The following GMDS variants were observed in gnomAD, a reference collection of about 807,000 sequenced individuals.
The protein encoded by GMDS is GDP-mannose 4,6-dehydratase, also known as GDP-mannose 4,6 dehydratase.
GMDS carries 20 observed loss-of-function variants against 49.9 expected under a neutral mutation model. The observed-to-expected ratio is 0.40, with a 90% CI of 0.28 to 0.58. The LOEUF (loss-of-function observed/expected upper bound fraction) is 0.58. Among genes scored for constraint, GMDS ranks in the 20% least tolerant of loss-of-function variants. GMDS has a pLI of 0.42. For synonymous variants in GMDS, 177 were observed against 178.6 expected (o/e 0.99, Z 0.07); for missense variants, 362 against 481.4 (o/e 0.75, Z 2.32).
intron 8 of GMDS, among the ~76,000 whole-genome samples, chr6:1,737,681 C>T (rs1767062378): frequency 6.7e-6 from 1 of 148,272 alleles, no homozygotes; most frequent in Non-Finnish European, 1.5e-5. Context: ...GATATACATA[C>T]ACACATACAT....
intron 4 of GMDS, among the ~76,000 whole-genome samples, chr6:2,034,224 C>T (rs1197329268): frequency 3.3e-5 from 5 of 152,164 alleles, no homozygotes; most frequent in Non-Finnish European, 7.3e-5. Context: ...TTCCAGGCCA[C>T]ATATCATCTC....
chr6:2,103,846 A>G (rs1255092848), intron 4 of GMDS, among the ~76,000 whole-genome samples: 2 of 152,250 alleles, frequency 1.3e-5, no homozygotes, highest in Non-Finnish European at 1.5e-5. Flanking sequence ...AGGAATGTTA[A>G]TTAAGACATA....
chr6:2,020,584 A>T (rs116223338), intron 4 of GMDS, among the ~76,000 whole-genome samples: 1 of 152,130 alleles, frequency 6.6e-6, no homozygotes, highest in Non-Finnish European at 1.5e-5. Flanking sequence ...TTAATACATC[A>T]TGAGAAAACA....
At chr6:1,825,964 G>A (rs9405519) in intron 7 of GMDS, among the ~76,000 whole-genome samples, 47,080 of 151,954 alleles carry the variant, frequency 0.31, 7,299 homozygotes, top group East Asian at 0.42. Flanking sequence ...GGCAGTGAGC[G>A]GAGATCACAC....
intron 1 of GMDS, among the ~76,000 whole-genome samples, chr6:2,230,134 T>A (rs1279958935): frequency 2.7e-5 from 4 of 148,028 alleles, no homozygotes; most frequent in African/African-American, 7.8e-5. Context: ...CTCCTCAGAG[T>A]CCTACCACAG....
chr6:1,961,250 G>C (rs1162363839), intron 4 of GMDS, among the ~76,000 whole-genome samples: 6 of 151,988 alleles, frequency 3.9e-5, no homozygotes, highest in Non-Finnish European at 1.5e-5. Flanking sequence ...GTTATTATAG[G>C]GCAAACCCTA....
Position 2,124,703 on chromosome 6 carries a change from A to G in GMDS, c.131T>C (p.Leu44Pro). The G allele has an allele frequency of 6.2e-7, 1 of 1,613,920 alleles. No individual in the cohort carries two copies. The highest frequency in any genetic ancestry group is 8.5e-7 in the Non-Finnish European group (1 of 1,179,862). The change falls in exon 2 of 11, where the codon CTG (leucine) becomes CCG (proline). Residue 44 changes from leucine to proline, a missense_variant. Transcript: ENST00000380815. ...QDGSYLAEFL[L>P]EKGYEVHGIV... ...GTCACCCACCTCATAGCCTTTCTCCAGCAGGAACTCAGCCAGGTAGGAACC... is the reference window on the plus strand; with the variant it reads ...GTCACCCACCTCATAGCCTTTCTCCGGCAGGAACTCAGCCAGGTAGGAACC...
intron 7 of GMDS, among the ~76,000 whole-genome samples, chr6:1,910,224 T>C (rs1348843855): frequency 4.0e-5 from 6 of 151,184 alleles, no homozygotes; most frequent in Non-Finnish European, 4.4e-5. Flanking sequence ...TTCTATCAGG[T>C]AGCACTTTCT....
intron 4 of GMDS, among the ~76,000 whole-genome samples, chr6:2,017,556 G>A (rs1202218587): frequency 1.3e-5 from 2 of 152,094 alleles, no homozygotes; most frequent in Non-Finnish European, 2.9e-5. Flanking sequence ...TGATCTGCCT[G>A]CTTCAGTCTC....
At chr6:1,995,980 C>T (rs1766252288) in intron 4 of GMDS, among the ~76,000 whole-genome samples, 1 of 152,122 alleles carries the variant, frequency 6.6e-6, no homozygotes, top group South Asian at 2.1e-4. Context: ...TCTGCAAAAG[C>T]CTGGGGGTGG....
chr6:2,092,462 T>C lies in GMDS; in HGVS notation c.345+23309A>G, dbSNP rs567917130. 9.2e-5 allele frequency among the ~76,000 whole-genome samples: 14 copies of C among 152,356 alleles called. No individual in the cohort carries two copies. In the South Asian group the frequency reaches 2.7e-3, roughly 29 times the overall value. ...TTTTTGTGTTTTCTATTACAGTATA[T>C]ACCTACACTAAAGTATAACAAAACA... On this transcript the variant is annotated intron_variant, in intron 4 of 10. Transcript: ENST00000380815.
intron 7 of GMDS, among the ~76,000 whole-genome samples, chr6:1,841,064 C>T (rs970615448): frequency 1.3e-5 from 2 of 152,142 alleles, no homozygotes; most frequent in African/African-American, 2.4e-5. Flanking sequence ...AGAGACTGAA[C>T]TAGCTAGACA....
At position 1,705,110 on chromosome 6, in the gene GMDS, A is replaced by C. The variant is rs189688941; in HGVS notation, c.987+21306T>G. Among the ~76,000 whole-genome samples, 10 of 152,386 alleles carry C rather than the reference A, an allele frequency of 6.6e-5. No individual in the cohort carries two copies. The East Asian group carries it at 1.9e-3, about 29-fold the overall frequency. ...TGACTACTGAACATTTTGACCAGTA[A>C]GTGTTGATAGCTGACCACATGTCAG... is the stretch of plus-strand genomic sequence containing the variant. On this transcript the variant is annotated intron_variant, in intron 9 of 10. Transcript: ENST00000380815.
chr6:1,981,957 C>A (rs1765243587), intron 4 of GMDS, among the ~76,000 whole-genome samples: 1 of 152,112 alleles, frequency 6.6e-6, no homozygotes, highest in Non-Finnish European at 1.5e-5. Context: ...AAAAGGCCTT[C>A]CATAAAATTC....
chr6:1,683,921 G>T (rs1204824287), intron 9 of GMDS, among the ~76,000 whole-genome samples: 2 of 151,036 alleles, frequency 1.3e-5, no homozygotes, highest in Non-Finnish European at 1.5e-5. Flanking sequence ...GCGATCGGTA[G>T]GCCTGGATCC....
chr6:1,870,503 C>T (rs908701905), intron 7 of GMDS, among the ~76,000 whole-genome samples: 3 of 152,092 alleles, frequency 2.0e-5, no homozygotes, highest in South Asian at 4.2e-4. Flanking sequence ...CAAAACAGTC[C>T]GAGCCACATC....
At chr6:1,686,229 C>T (rs1392893896) in intron 9 of GMDS, among the ~76,000 whole-genome samples, 2 of 152,198 alleles carry the variant, frequency 1.3e-5, no homozygotes, top group East Asian at 1.9e-4. Context: ...GCCTCTTTCC[C>T]GCACAACAGT....
intron 7 of GMDS, 22 bp downstream of exon 7, chr6:1,930,081 A>G (rs1221810083): frequency 1.3e-6 from 2 of 1,592,384 alleles, no homozygotes; most frequent in African/African-American, 2.7e-5. Context: ...TATTTTCAAG[A>G]ATGTAATGTG....
chr6:2,118,843 T>C (rs1408558376), intron 2 of GMDS, among the ~76,000 whole-genome samples: 1 of 152,214 alleles, frequency 6.6e-6, no homozygotes, highest in African/African-American at 2.4e-5. Context: ...GCTATACATA[T>C]CCACTTCTTA....
Sources: allele counts gnomAD v4.1 joint callset (sites outside exome capture counted in the v4.1 genomes callset), GRCh38; gene constraint gnomAD v4.1.1; transcripts MANE v1.5; gene names NCBI Gene and HGNC (gene_info 2026-07-23, HGNC 2026-07-21).